Variants in THEMIS observed in about 807,000 individuals in gnomAD.
THEMIS encodes the protein thymocyte selection associated, also known as protein THEMIS.
In THEMIS, 37 loss-of-function variants were observed where a neutral mutation model predicts 52.6. The ratio of observed to expected loss-of-function variants is 0.70; its 90% CI spans 0.54 to 0.93. The LOEUF is 0.93. THEMIS is among the 40% of genes least tolerant of loss of function. The probability of loss-of-function intolerance (pLI) is 0.00; values close to 1 mark genes in which losing one functional copy is unlikely to be tolerated. For synonymous variants in THEMIS, 292 were observed against 272.7 expected, an observed-to-expected ratio of 1.07 and a Z score of -0.70; for missense variants, 808 against 763.1, an observed-to-expected ratio of 1.06 and a Z score of -0.69.
At chr6:127,769,159 T>C (rs1776292999) in intron 4 of THEMIS, among the ~76,000 whole-genome samples, 1 of 152,168 alleles carries the variant, frequency 6.6e-6, no homozygotes, top group African/African-American at 2.4e-5. Context: ...ACACTTCAAA[T>C]GAAAGATGCG....
chr6:127,825,449 T>C (rs1778476027), intron 3 of THEMIS, among the ~76,000 whole-genome samples: 1 of 152,194 alleles, frequency 6.6e-6, no homozygotes, highest in Non-Finnish European at 1.5e-5. Flanking sequence ...ATTCTCAACC[T>C]GGAATTCTGT....
Position 127,808,842 on chromosome 6 carries a change from C to T in THEMIS, c.1758+4041G>A, listed in dbSNP as rs553135950. The stretch of plus-strand genomic sequence containing the variant: ...TTGGAAAACAATTCTTTCTATTTCT[C>T]CTAGTTCCTGTAACCTGTCCTCATA... On this transcript the variant is annotated intron_variant, in intron 4 of 5. Transcript: ENST00000368248. Among the ~76,000 whole-genome samples the T allele has an allele frequency of 7.9e-5, 12 of 152,248 alleles. No individual in the cohort carries two copies. In the South Asian group the frequency reaches 8.3e-4, roughly 11 times the overall value.
chr6:127,721,882 T>C (rs1286048632), intron 4 of THEMIS, among the ~76,000 whole-genome samples: 2 of 152,036 alleles, frequency 1.3e-5, no homozygotes, highest in Non-Finnish European at 1.5e-5. Context: ...TGTTTGTTCA[T>C]ACCAAATTCA....
intron 4 of THEMIS, among the ~76,000 whole-genome samples, chr6:127,738,896 C>T (rs1472402678): frequency 2.0e-5 from 3 of 152,062 alleles, no homozygotes; most frequent in Non-Finnish European, 2.9e-5. Context: ...TTGGTAAGTC[C>T]GGTGTATTAT....
chr6:127,766,264 C>T (rs1299525325), intron 4 of THEMIS, among the ~76,000 whole-genome samples: 1 of 152,106 alleles, frequency 6.6e-6, no homozygotes, highest in African/African-American at 2.4e-5. Flanking sequence ...CCAGAAATCC[C>T]CAAAGTGAAT....
intron 4 of THEMIS, among the ~76,000 whole-genome samples, chr6:127,729,538 G>GT (rs1276200174): frequency 6.6e-6 from 1 of 152,078 alleles, no homozygotes; most frequent in Non-Finnish European, 1.5e-5. Context: ...GATTTCTTCT[G>GT]TTTCTTACTG....
At chr6:127,913,454 C>T (rs1291972436) in intron 1 of THEMIS, among the ~76,000 whole-genome samples, 1 of 152,150 alleles carries the variant, frequency 6.6e-6, no homozygotes, top group Non-Finnish European at 1.5e-5. Flanking sequence ...TTCACCAGCA[C>T]TATGCTAAGA....
At chr6:127,784,494 A>G (rs187036611) in intron 4 of THEMIS, among the ~76,000 whole-genome samples, 4 of 152,304 alleles carry the variant, frequency 2.6e-5, no homozygotes, top group Non-Finnish European at 4.4e-5. Context: ...TATCTCCAGA[A>G]CAAATGTGTA....
intron 3 of THEMIS, among the ~76,000 whole-genome samples, chr6:127,823,473 A>G (rs1265143986): frequency 2.0e-5 from 3 of 152,170 alleles, no homozygotes; most frequent in Non-Finnish European, 2.9e-5. Context: ...ACTGTGAAAC[A>G]TAAATATACA....
chr6:127,736,707 TCA>T (rs1775018060), intron 4 of THEMIS, among the ~76,000 whole-genome samples: 1 of 152,074 alleles, frequency 6.6e-6, no homozygotes, highest in African/African-American at 2.4e-5. Flanking sequence ...TGGATTACTT[TCA>T]TTATTTGCCA....
intron 2 of THEMIS, among the ~76,000 whole-genome samples, chr6:127,846,339 C>T (rs1037532618): frequency 3.3e-5 from 5 of 151,766 alleles, no homozygotes; most frequent in African/African-American, 9.7e-5. Flanking sequence ...GAAAGTATGA[C>T]CTGTACACAG....
At position 127,863,026 on chromosome 6, in the gene THEMIS, G is replaced by A. The variant is rs547178940; in HGVS notation, c.92-7838C>T. 7.4e-4 allele frequency among the ~76,000 whole-genome samples: 113 copies of A among 152,174 alleles called. 1 individual carries two copies. The highest frequency in any genetic ancestry group is 2.6e-3 in the African/African-American group (108 of 41,526). On this transcript the variant is annotated intron_variant, in intron 1 of 5. Coordinates refer to ENST00000368248, the MANE Select transcript of THEMIS (RefSeq NM_001010923.3). ...TTAAAGATTTTAATCCTTAAATTGG[G>A]CTAATTTACTCCCAAAGGCTTAGTC...
chr6:127,793,037 C>T (rs79399437), intron 4 of THEMIS, among the ~76,000 whole-genome samples: 14,001 of 152,150 alleles, frequency 0.092, 695 homozygotes, highest in African/African-American at 0.13. Flanking sequence ...CATTTCTCAA[C>T]GGCAAATAGA....
intron 5 of THEMIS, among the ~76,000 whole-genome samples, chr6:127,719,040 A>T (rs761213368): frequency 3.3e-5 from 5 of 151,998 alleles, no homozygotes; most frequent in Non-Finnish European, 5.9e-5. Context: ...GTATGAACTA[A>T]ATGTGAAGTT....
At chr6:127,808,169 C>T (rs913915234) in intron 4 of THEMIS, among the ~76,000 whole-genome samples, 1 of 152,190 alleles carries the variant, frequency 6.6e-6, no homozygotes, top group Admixed American at 6.5e-5. Flanking sequence ...CTGGTCCCAG[C>T]TGCAGTCTCT....
chr6:127,736,300 A>G (rs776678246), intron 4 of THEMIS, among the ~76,000 whole-genome samples: 1 of 152,152 alleles, frequency 6.6e-6, no homozygotes, highest in Non-Finnish European at 1.5e-5. Context: ...ATTTAATATG[A>G]AGTATAGTTG....
intron 4 of THEMIS, among the ~76,000 whole-genome samples, chr6:127,777,775 T>G (rs1776613842): frequency 6.6e-6 from 1 of 152,182 alleles, no homozygotes; most frequent in Non-Finnish European, 1.5e-5. Context: ...TATTTGTTTA[T>G]TATTTTTAAA....
At chr6:127,733,121 A>G (rs1774867391) in intron 4 of THEMIS, among the ~76,000 whole-genome samples, 1 of 152,248 alleles carries the variant, frequency 6.6e-6, no homozygotes, top group Non-Finnish European at 1.5e-5. Context: ...GCTCATTGGA[A>G]GTACTTATTG....
At chr6:127,729,197 TC>T (rs1774665891) in intron 4 of THEMIS, among the ~76,000 whole-genome samples, 6 of 82,794 alleles carry the variant, frequency 7.2e-5, no homozygotes, top group Admixed American at 2.4e-4. Flanking sequence ...TCTCTCTCTC[TC>T]TCTCTTCACT....
Sources: gnomAD v4.1 joint callset for allele counts (sites outside exome capture counted in the v4.1 genomes callset) on GRCh38, gnomAD v4.1.1 for gene constraint, MANE v1.5 for transcripts, NCBI Gene and HGNC (gene_info 2026-07-23, HGNC 2026-07-21) for gene names.